CYTH1: variants seen among roughly 807,000 people sequenced by gnomAD.
CYTH1 encodes cytohesin 1, also known as cytohesin-1.
CYTH1 carries 18 observed loss-of-function variants against 61.8 expected under a neutral mutation model. The observed-to-expected ratio is 0.29, with a 90% CI of 0.20 to 0.43. CYTH1 has a LOEUF of 0.43. Among genes scored for constraint, CYTH1 ranks in the 20% least tolerant of loss-of-function variants. The pLI is 1.00. For missense variants in CYTH1, 336 were observed against 510.5 expected (o/e 0.66, Z 3.29); for synonymous variants, 174 against 184.3 (o/e 0.94, Z 0.45).
chr17:78,749,615 T>A (rs1454036060), intron 1 of CYTH1, among the ~76,000 whole-genome samples: 1 of 151,680 alleles, frequency 6.6e-6, no homozygotes, highest in African/African-American at 2.4e-5. Context: ...GGGTGACAAA[T>A]TGAGATCCCT....
chr17:78,683,879 C>T (rs1345567128), intron 11 of CYTH1, among the ~76,000 whole-genome samples: 1 of 152,186 alleles, frequency 6.6e-6, no homozygotes, highest in East Asian at 1.9e-4. Context: ...GAGGATTCCG[C>T]TGGGTTAACT....
At chr17:78,779,061 A>C (rs1418748630) in intron 1 of CYTH1, among the ~76,000 whole-genome samples, 1 of 152,186 alleles carries the variant, frequency 6.6e-6, no homozygotes, top group Non-Finnish European at 1.5e-5. Flanking sequence ...GGAATCTTCA[A>C]TCTTTTTAGT....
chr17:78,760,395 ACATATATATATGTG>A (rs1567879059), intron 1 of CYTH1, among the ~76,000 whole-genome samples: 1,145 of 56,766 alleles, frequency 0.02, 126 homozygotes, highest in South Asian at 0.035. Context: ...ACACACACAT[ACATATATATATGTG>A]TATATATATA....
intron 1 of CYTH1, among the ~76,000 whole-genome samples, chr17:78,747,966 A>G (rs1011783619): frequency 2.0e-5 from 3 of 152,102 alleles, no homozygotes; most frequent in Non-Finnish European, 4.4e-5. Context: ...GTCCACTCTC[A>G]CACTGTGGAG....
chr17:78,707,282 T>C (rs941545022), intron 3 of CYTH1, among the ~76,000 whole-genome samples: 10 of 151,870 alleles, frequency 6.6e-5, no homozygotes, highest in African/African-American at 2.2e-4. Context: ...AATACAGACA[T>C]GTAGTGAATT....
intron 1 of CYTH1, among the ~76,000 whole-genome samples, chr17:78,715,862 C>A (rs1240363378): frequency 6.6e-6 from 1 of 152,122 alleles, no homozygotes; most frequent in Non-Finnish European, 1.5e-5. Context: ...CCAACCCAGG[C>A]TGGAGAAGCA....
At chr17:78,708,089 G>A in intron 3 of CYTH1, 108 bp downstream of exon 3, 1 of 1,110,318 alleles carries the variant, frequency 9.0e-7, no homozygotes, top group African/African-American at 1.5e-5. Flanking sequence ...GAATTAGAAA[G>A]ACACAAAGCT....
chr17:78,689,067 GAA>G (rs2092848375), intron 11 of CYTH1, among the ~76,000 whole-genome samples: 1 of 152,166 alleles, frequency 6.6e-6, no homozygotes, highest in South Asian at 2.1e-4. Flanking sequence ...CACAGTGTGG[GAA>G]AGAGATGTGG....
chr17:78,733,232 A>T lies in CYTH1; in HGVS notation c.23-23500T>A, dbSNP rs186498852. 6.6e-5 allele frequency among the ~76,000 whole-genome samples: 10 copies of T among 152,318 alleles called. No individual in the cohort carries two copies. In the East Asian group the frequency reaches 1.5e-3, roughly 23 times the overall value. On this transcript the variant is annotated intron_variant, in intron 1 of 13. Coordinates refer to ENST00000446868, the MANE Select transcript of CYTH1 (RefSeq NM_004762.6). ...TTTCCTACAAATAATACTAGTTTATACACACATGCTATCTTACAGCTTAAA... is the reference window on the plus strand; with the variant it reads ...TTTCCTACAAATAATACTAGTTTATTCACACATGCTATCTTACAGCTTAAA...
At chr17:78,705,238 T>C (rs1329450850) in intron 3 of CYTH1, among the ~76,000 whole-genome samples, 1 of 152,134 alleles carries the variant, frequency 6.6e-6, no homozygotes. Context: ...CACTCCCAGA[T>C]ATCCGCCAGT....
chr17:78,715,550 C>T (rs2093173697), intron 1 of CYTH1, among the ~76,000 whole-genome samples: 1 of 152,154 alleles, frequency 6.6e-6, no homozygotes, highest in Admixed American at 6.5e-5. Flanking sequence ...TGAAATCAGA[C>T]TCGAAACCAG....
chr17:78,678,171 T>C (rs1417752502), intron 13 of CYTH1: 1 of 152,276 alleles, frequency 6.6e-6, no homozygotes, highest in African/African-American at 2.4e-5. Flanking sequence ...ATGAAAGGAT[T>C]GAATGATTCT....
intron 1 of CYTH1, among the ~76,000 whole-genome samples, chr17:78,771,404 C>T (rs527496422): frequency 1.3e-5 from 2 of 152,060 alleles, no homozygotes; most frequent in Non-Finnish European, 2.9e-5. Flanking sequence ...CACGCCACTG[C>T]CCTCCAACCT....
At chr17:78,687,396 C>T (rs1598823696) in intron 11 of CYTH1, among the ~76,000 whole-genome samples, 1 of 152,276 alleles carries the variant, frequency 6.6e-6, no homozygotes, top group East Asian at 1.9e-4. Flanking sequence ...CAACTTTAAT[C>T]CAGAACATAT....
intron 1 of CYTH1, among the ~76,000 whole-genome samples, chr17:78,742,752 G>A (rs1009564119): frequency 1.5e-4 from 23 of 152,300 alleles, no homozygotes; most frequent in African/African-American, 5.3e-4. Flanking sequence ...CTACTCGGGA[G>A]GCTGAGGCAG....
rs534028041 is a variant in CYTH1, at chr17:78,702,767, C to G, written c.171-163G>C. On this transcript the variant is annotated intron_variant, in intron 3 of 13. Coordinates refer to ENST00000446868, the MANE Select transcript of CYTH1 (RefSeq NM_004762.6). ...ATGAAAGGCCAACTGAAACCTGAAG[C>G]CTGAACCTGGCTCCAAGCTCCAAGC... is the stretch of plus-strand genomic sequence containing the variant. Among the ~76,000 whole-genome samples the G allele has an allele frequency of 2.6e-5, 4 of 152,332 alleles. No individual in the cohort carries two copies. In the East Asian group the frequency reaches 7.7e-4, roughly 29 times the overall value.
chr17:78,714,406 C>G (rs1448781380), intron 1 of CYTH1, among the ~76,000 whole-genome samples: 2 of 152,090 alleles, frequency 1.3e-5, no homozygotes, highest in Non-Finnish European at 2.9e-5. Flanking sequence ...ATTTCCAGAA[C>G]AGAGAAAGGA....
chr17:78,702,713 G>A, intron 3 of CYTH1, 109 bp from the exon 4 acceptor site: 1 of 1,176,394 alleles, frequency 8.5e-7, no homozygotes, highest in Non-Finnish European at 1.2e-6. Context: ...ATTTATCCAG[G>A]AAAGCAACAG....
chr17:78,777,630 T>A (rs908300633), intron 1 of CYTH1, among the ~76,000 whole-genome samples: 15 of 151,972 alleles, frequency 9.9e-5, no homozygotes, highest in Non-Finnish European at 2.1e-4. Flanking sequence ...ATCAATGAGC[T>A]ATGTTCCAAA....
Sources: gnomAD v4.1 joint callset for allele counts (sites outside exome capture counted in the v4.1 genomes callset) on GRCh38, gnomAD v4.1.1 for gene constraint, MANE v1.5 for transcripts, NCBI Gene and HGNC (gene_info 2026-07-23, HGNC 2026-07-21) for gene names.